The following SEZ6L variants were observed in gnomAD, a reference collection of about 807,000 sequenced individuals.
SEZ6L encodes seizure related 6 homolog like, also known as seizure 6-like protein.
Under a neutral mutation model 106.2 loss-of-function variants are expected in SEZ6L, and 37 were observed. The ratio of observed to expected loss-of-function variants is 0.35; its 90% CI spans 0.27 to 0.46. SEZ6L has a LOEUF of 0.46. Ranked by LOEUF, SEZ6L falls within the 20% of genes least tolerant of loss-of-function variation. The pLI is 1.00. For missense variants in SEZ6L, 1,172 were observed against 1,332.8 expected, an observed-to-expected ratio of 0.88 and a Z score of 1.88; for synonymous variants, 541 against 570.4, an observed-to-expected ratio of 0.95 and a Z score of 0.73.
intron 1 of SEZ6L, among the ~76,000 whole-genome samples, chr22:26,277,158 G>A (rs1156727771): frequency 1.3e-5 from 2 of 150,338 alleles, no homozygotes; most frequent in Non-Finnish European, 3.0e-5. Context: ...GAGTACAGTG[G>A]TGGGATCATG....
chr22:26,314,619 C>T (rs769869465), intron 9 of SEZ6L, among the ~76,000 whole-genome samples: 9 of 152,214 alleles, frequency 5.9e-5, no homozygotes, highest in South Asian at 4.1e-4. Context: ...TTTTAATGAA[C>T]GGACTTACTT....
At chr22:26,201,382 C>CAAAAAAAAAAAAAAAAAAAAAAAACA (rs71192905) in intron 1 of SEZ6L, among the ~76,000 whole-genome samples, 1 of 75,304 alleles carries the variant, frequency 1.3e-5, no homozygotes. Context: ...TACAAAAATA[C>CAAAAAAAAAAAAAAAAAAAAAAAACA]AAAAAAAAAA....
chr22:26,232,525 A>G (rs1372949709), intron 1 of SEZ6L, among the ~76,000 whole-genome samples: 1 of 152,196 alleles, frequency 6.6e-6, no homozygotes, highest in Non-Finnish European at 1.5e-5. Flanking sequence ...CAGCCCACAT[A>G]TACAATGGGG....
intron 1 of SEZ6L, among the ~76,000 whole-genome samples, chr22:26,266,173 T>C (rs2080170824): frequency 6.6e-6 from 1 of 152,070 alleles, no homozygotes; most frequent in Non-Finnish European, 1.5e-5. Flanking sequence ...CTGCACTCGA[T>C]TGCTGAGTCC....
At chr22:26,197,925 C>A (rs940565604) in intron 1 of SEZ6L, among the ~76,000 whole-genome samples, 1 of 152,124 alleles carries the variant, frequency 6.6e-6, no homozygotes, top group African/African-American at 2.4e-5. Context: ...CCTTTACTTG[C>A]ATGGAATTCC....
At chr22:26,297,113 C>T (rs184217334) in intron 4 of SEZ6L, 33 bp downstream of exon 4, 1,299 of 1,513,046 alleles carry the variant, frequency 8.6e-4, no homozygotes, top group Non-Finnish European at 1.1e-3. Flanking sequence ...GAAACATAGG[C>T]GTTTGCCTCA....
At chr22:26,208,848 C>G (rs9968042) in intron 1 of SEZ6L, among the ~76,000 whole-genome samples, 16 of 106,896 alleles carry the variant, frequency 1.5e-4, no homozygotes, top group East Asian at 1.0e-3. Flanking sequence ...TTGACTCTCT[C>G]TCTGTGTGTG....
At chr22:26,290,539 T>TAAATA (rs71312994) in intron 1 of SEZ6L, among the ~76,000 whole-genome samples, 23,805 of 151,314 alleles carry the variant, frequency 0.16, 2,500 homozygotes, top group Non-Finnish European at 0.24. Context: ...CTCAAAAAAA[T>TAAATA]AAATAAAATA....
At chr22:26,363,278 CAT>C (rs947945224) in intron 12 of SEZ6L, among the ~76,000 whole-genome samples, 3 of 152,228 alleles carry the variant, frequency 2.0e-5, no homozygotes, top group Non-Finnish European at 1.5e-5. Context: ...AAATGTAAGT[CAT>C]GTTCACAGAG....
chr22:26,210,076 A>G (rs2078113418), intron 1 of SEZ6L, among the ~76,000 whole-genome samples: 1 of 152,254 alleles, frequency 6.6e-6, no homozygotes. Flanking sequence ...AGCAAAAAAT[A>G]TCATTTGTTT....
intron 1 of SEZ6L, among the ~76,000 whole-genome samples, chr22:26,285,679 A>G (rs893206654): frequency 2.0e-5 from 3 of 152,200 alleles, no homozygotes; most frequent in African/African-American, 7.2e-5. Context: ...TACAACGCAT[A>G]GAGCAGCTTC....
At chr22:26,303,321 C>T (rs892015076) in intron 5 of SEZ6L, among the ~76,000 whole-genome samples, 1 of 152,216 alleles carries the variant, frequency 6.6e-6, no homozygotes, top group Non-Finnish European at 1.5e-5. Context: ...ACTGCAAGCC[C>T]CATTCAGTCA....
intron 1 of SEZ6L, among the ~76,000 whole-genome samples, chr22:26,181,625 C>T (rs559306788): frequency 2.3e-4 from 35 of 152,210 alleles, no homozygotes; most frequent in African/African-American, 7.7e-4. Flanking sequence ...GAGTAAATTA[C>T]TTAACCTCTC....
chr22:26,321,244 G>A (rs2082144690), intron 9 of SEZ6L, among the ~76,000 whole-genome samples: 1 of 152,172 alleles, frequency 6.6e-6, no homozygotes, highest in African/African-American at 2.4e-5. Flanking sequence ...CGGGGTGGTG[G>A]GAGAGTGCCT....
rs1342759841 is a variant in SEZ6L at position 26,377,682 on chromosome 22, C to T, written c.2952C>T (p.Tyr984=). The part of the protein sequence containing the change: ...GAYIYITRCR[Y]YSNLRLPLMY... Reference sequence around the variant, plus strand: ...CCTTTCTTTCCCCCAGATGTCGCTACTATTCCAACCTCCGCCTGCCTCTGA... The same window carrying T: ...CCTTTCTTTCCCCCAGATGTCGCTATTATTCCAACCTCCGCCTGCCTCTGA... Residue 984 remains tyrosine, a synonymous_variant, in exon 16 of 17, where the codon TAC becomes TAT. Transcript: ENST00000248933. 1 of 1,613,406 alleles carries T rather than the reference C, an allele frequency of 6.2e-7. No homozygotes were observed. Among genetic ancestry groups the T allele is most frequent in the East Asian group, 2.2e-5 (1 of 44,864 alleles).
rs113397740 is a variant in SEZ6L at position 26,287,629 on chromosome 22, A to T, written c.95-4777A>T. Among the ~76,000 whole-genome samples, 590 of 152,202 alleles carry T rather than the reference A, an allele frequency of 3.9e-3. 5 individuals carry two copies. Among genetic ancestry groups the T allele is most frequent in the African/African-American group, 0.013 (520 of 41,524 alleles). ...AAGTCTTCTCTATCTGGACATCATC[A>T]TGGGGATATTCTGATTGCTCCAGTT... On this transcript the variant is annotated intron_variant, in intron 1 of 16. Transcript: ENST00000248933.
chr22:26,204,130 G>A (rs965840151), intron 1 of SEZ6L, among the ~76,000 whole-genome samples: 2 of 152,124 alleles, frequency 1.3e-5, no homozygotes, highest in Admixed American at 6.6e-5. Flanking sequence ...TTTCTCATGT[G>A]TACTATGAAA....
rs549378800 is a variant in SEZ6L at position 26,291,392 on chromosome 22, AG to A, written c.95-1013del. ...ACTTATAAGTGGGAGTTGAACAATG[AG>A]AACACATGGACACAGGGAGGGGAGT... On this transcript the variant is annotated intron_variant, in intron 1 of 16. Transcript: ENST00000248933. Among the ~76,000 whole-genome samples, 243 of 152,292 alleles carry A rather than the reference AG, an allele frequency of 1.6e-3. 1 individual carries two copies. Among genetic ancestry groups the A allele is most frequent in the Admixed American group, 3.5e-3 (53 of 15,290 alleles).
At chr22:26,344,977 C>T (rs192710149) in intron 10 of SEZ6L, among the ~76,000 whole-genome samples, 1 of 152,192 alleles carries the variant, frequency 6.6e-6, no homozygotes, top group Admixed American at 6.5e-5. Flanking sequence ...GTAAAGTTAA[C>T]AAGGGCCCAT....
Sources: gnomAD v4.1 joint callset for allele counts (sites outside exome capture counted in the v4.1 genomes callset) on GRCh38, gnomAD v4.1.1 for gene constraint, MANE v1.5 for transcripts, NCBI Gene and HGNC (gene_info 2026-07-23, HGNC 2026-07-21) for gene names.